The following TCF20 variants were observed in gnomAD, a reference collection of about 807,000 sequenced individuals.
TCF20 encodes transcription factor 20, also known as SPRE-binding protein.
In TCF20, 3 loss-of-function variants were observed where a neutral mutation model predicts 148.6. The ratio of observed to expected loss-of-function variants is 0.02; its 90% CI spans 0.01 to 0.05. The LOEUF is 0.05. TCF20 is among the 10% of genes least tolerant of loss of function. The pLI is 1.00. For synonymous variants in TCF20, 1,049 were observed against 909.5 expected, an observed-to-expected ratio of 1.15 and a Z score of -2.76; for missense variants, 2,350 against 2,429.3, an observed-to-expected ratio of 0.97 and a Z score of 0.69.
chr22:42,304,790 C>G (rs1927403898), intron 1 of TCF20, among the ~76,000 whole-genome samples: 1 of 151,956 alleles, frequency 6.6e-6, no homozygotes, highest in African/African-American at 2.4e-5. Context: ...TAGACTTATA[C>G]TGGGGGAGGT....
chr22:42,165,182 G>C (rs1935707378), intron 5 of TCF20, among the ~76,000 whole-genome samples: 1 of 152,230 alleles, frequency 6.6e-6, no homozygotes, highest in Non-Finnish European at 1.5e-5. Flanking sequence ...CTCTGGACCA[G>C]TTTGGGGAAA....
chr22:42,206,508 T>C (rs1037530206), intron 2 of TCF20, among the ~76,000 whole-genome samples: 1 of 152,210 alleles, frequency 6.6e-6, no homozygotes, highest in African/African-American at 2.4e-5. Flanking sequence ...ACGGATTATT[T>C]TGAGCGCTCA....
At position 42,338,062 on chromosome 22, in the gene TCF20, C is replaced by T. The variant is rs1395368666; in HGVS notation, c.-37+5417G>A. Among the ~76,000 whole-genome samples the T allele has an allele frequency of 6.6e-6, 1 of 152,218 alleles. No individual in the cohort carries two copies. Among genetic ancestry groups the T allele is most frequent in the East Asian group, 1.9e-4 (1 of 5,194 alleles). On this transcript the variant is annotated intron_variant, in intron 1 of 1. Coordinates refer to the TCF20 transcript ENST00000515426. The surrounding 1 kb of genome is among the most constrained non-coding windows in gnomAD (Gnocchi z 4.0). Reference sequence around the variant, plus strand: ...AGAGGGAGGGGGTACTGGGCCCCACCTGGGTCCAGTGGGGGCATGCGTCCC... The same window carrying T: ...AGAGGGAGGGGGTACTGGGCCCCACTTGGGTCCAGTGGGGGCATGCGTCCC...
chr22:42,244,916 C>CA (rs34776152), intron 1 of TCF20, among the ~76,000 whole-genome samples: 4,487 of 150,510 alleles, frequency 0.03, 226 homozygotes, highest in African/African-American at 0.1. Flanking sequence ...CCCATCTCTA[C>CA]AAAAAAAAAT....
intron 1 of TCF20, among the ~76,000 whole-genome samples, chr22:42,291,158 A>C (rs1927125632): frequency 6.6e-6 from 1 of 152,192 alleles, no homozygotes; most frequent in Non-Finnish European, 1.5e-5. Context: ...CCCAGTCCCC[A>C]CAAACTGTCC....
chr22:42,280,435 C>T (rs531578575), intron 1 of TCF20, among the ~76,000 whole-genome samples: 1 of 152,368 alleles, frequency 6.6e-6, no homozygotes, highest in East Asian at 1.9e-4. Context: ...TCTGTTCTTG[C>T]CTTTGCTAAG....
intron 1 of TCF20, among the ~76,000 whole-genome samples, chr22:42,269,470 C>G (rs982336638): frequency 6.6e-6 from 1 of 152,338 alleles, no homozygotes; most frequent in East Asian, 1.9e-4. Context: ...GCACCGCCCC[C>G]CAACTCACTA....
chr22:42,249,532 T>C (rs1925193388), intron 1 of TCF20, among the ~76,000 whole-genome samples: 1 of 152,198 alleles, frequency 6.6e-6, no homozygotes, highest in Non-Finnish European at 1.5e-5. Context: ...GGCTACTTAA[T>C]GGCGAAAGAT....
At chr22:42,247,427 G>A (rs558140071) in intron 1 of TCF20, among the ~76,000 whole-genome samples, 16 of 134,126 alleles carry the variant, frequency 1.2e-4, no homozygotes, top group African/African-American at 4.4e-4. Flanking sequence ...GTGATAGAGC[G>A]AGACTCCATC....
At chr22:42,193,651 A>T (rs1937452888) in intron 2 of TCF20, among the ~76,000 whole-genome samples, 1 of 152,176 alleles carries the variant, frequency 6.6e-6, no homozygotes, top group Non-Finnish European at 1.5e-5. Context: ...GTCTATTGTT[A>T]GGACAGATTT....
chr22:42,175,629 G>C (rs758784754), intron 3 of TCF20, among the ~76,000 whole-genome samples: 1 of 151,598 alleles, frequency 6.6e-6, no homozygotes, highest in Non-Finnish European at 1.5e-5. Flanking sequence ...GTGAGCCACC[G>C]TGCCTGGCCC....
intron 1 of TCF20, among the ~76,000 whole-genome samples, chr22:42,314,888 G>A (rs576693640): frequency 1.3e-5 from 2 of 152,152 alleles, no homozygotes; most frequent in Non-Finnish European, 2.9e-5. Flanking sequence ...CAGGGAGGAG[G>A]GGAGCGGCTG....
At position 42,317,687 on chromosome 22, in the gene TCF20, G is replaced by A. The variant is rs541813782; in HGVS notation, c.-37+25792C>T. Among the ~76,000 whole-genome samples the A allele has an allele frequency of 7.2e-5, 11 of 152,220 alleles. No individual in the cohort carries two copies. The highest frequency in any genetic ancestry group is 2.1e-4 in the South Asian group (1 of 4,820). ...GGTGTAGACTCAGCCGCAGGACAGC[G>A]GGAGGGTGGGGGTTCTGTGGGCCTT... On this transcript the variant is annotated intron_variant, in intron 1 of 1. Coordinates refer to the TCF20 transcript ENST00000515426. The surrounding 1 kb of genome is among the most constrained non-coding windows in gnomAD (Gnocchi z 4.2).
chr22:42,233,539 T>C (rs1923618278), intron 1 of TCF20, among the ~76,000 whole-genome samples: 1 of 152,224 alleles, frequency 6.6e-6, no homozygotes, highest in Admixed American at 6.5e-5. Flanking sequence ...CAAATCGCAC[T>C]TTTCCCTTAA....
chr22:42,286,194 C>A (rs1927028586), upstream of TCF20, among the ~76,000 whole-genome samples: 1 of 152,218 alleles, frequency 6.6e-6, no homozygotes. Context: ...CTGTACCTGT[C>A]CCCTCCCAGT....
intron 1 of TCF20, among the ~76,000 whole-genome samples, chr22:42,220,410 C>T (rs1022536661): frequency 6.6e-6 from 1 of 152,230 alleles, no homozygotes; most frequent in Non-Finnish European, 1.5e-5. Context: ...GCTGTCCAGG[C>T]TGGTCTCAAA....
chr22:42,184,571 C>A (rs760745780), intron 2 of TCF20, among the ~76,000 whole-genome samples: 1 of 152,066 alleles, frequency 6.6e-6, no homozygotes, highest in Non-Finnish European at 1.5e-5. Context: ...ATATTAAAGT[C>A]ACTGCACAGC....
intron 3 of TCF20, 74 bp downstream of exon 3, chr22:42,179,535 G>T (rs1458518252): frequency 7.8e-6 from 5 of 642,480 alleles, no homozygotes; most frequent in East Asian, 7.7e-5. Context: ...AAAAAACAAC[G>T]ACAACAGAGA....
intron 1 of TCF20, among the ~76,000 whole-genome samples, chr22:42,262,180 T>C (rs1422552920): frequency 6.6e-6 from 1 of 152,090 alleles, no homozygotes; most frequent in African/African-American, 2.4e-5. Context: ...CATTAAAAGA[T>C]TTTAAGCAGA....
Sources: gnomAD v4.1 joint callset for allele counts (sites outside exome capture counted in the v4.1 genomes callset) on GRCh38, gnomAD v4.1.1 for gene constraint, Gnocchi (gnomAD v3.1) non-coding constraint, MANE v1.5 for transcripts, NCBI Gene and HGNC (gene_info 2026-07-23, HGNC 2026-07-21) for gene names.